Variants in KDM6A observed in about 807,000 individuals in gnomAD.
The protein encoded by KDM6A is lysine demethylase 6A.
In KDM6A, 11 loss-of-function variants were observed where a neutral mutation model predicts 117.6. The ratio of observed to expected loss-of-function variants is 0.09; its 90% confidence interval spans 0.06 to 0.15. The LOEUF is 0.15. Ranked by LOEUF, KDM6A falls within the 10% of genes least tolerant of loss-of-function variation. The pLI is 1.00. For synonymous variants in KDM6A, 384 were observed against 396.1 expected, an observed-to-expected ratio of 0.97 and a Z score of 0.36; for missense variants, 799 against 1,077.3, an observed-to-expected ratio of 0.74 and a Z score of 3.62.
chrX:45,002,831 A>G (rs2041209551), intron 4 of KDM6A, among the ~76,000 whole-genome samples: 1 of 99,174 alleles, frequency 1.0e-5, no homozygotes, highest in Non-Finnish European at 2.0e-5. Flanking sequence ...ACCATATAAC[A>G]TTCTTTTTAT....
intron 2 of KDM6A, among the ~76,000 whole-genome samples, chrX:44,899,867 C>T (rs980595361): frequency 9.0e-6 from 1 of 111,324 alleles, no homozygotes; most frequent in Non-Finnish European, 1.9e-5. Context: ...GATATTATGT[C>T]GTGAACAAAA....
chrX:44,962,285 C>T (rs2038709789), intron 3 of KDM6A, among the ~76,000 whole-genome samples: 1 of 112,008 alleles, frequency 8.9e-6, no homozygotes. Flanking sequence ...TAGTCTGAGA[C>T]AGGCATATTC....
intron 2 of KDM6A, among the ~76,000 whole-genome samples, chrX:44,938,574 G>GGA (rs1437155864): frequency 8.9e-6 from 1 of 112,342 alleles, no homozygotes; most frequent in Non-Finnish European, 1.9e-5. Context: ...AAGTGCTAAT[G>GGA]GAGAAGTGTA....
intron 2 of KDM6A, among the ~76,000 whole-genome samples, chrX:44,948,338 C>T (rs1407170031): frequency 8.9e-6 from 1 of 111,770 alleles, no homozygotes; most frequent in Non-Finnish European, 1.9e-5. Context: ...ATTACCAGTA[C>T]ATTTGTTGGA....
intron 18 of KDM6A, among the ~76,000 whole-genome samples, chrX:45,071,781 C>CTTTTCTTGTCT (rs1236526732): frequency 9.1e-6 from 1 of 110,232 alleles, no homozygotes; most frequent in Non-Finnish European, 1.9e-5. Context: ...CTTTTCTTGT[C>CTTTTCTTGTCT]TTTTTTTAAG....
intron 2 of KDM6A, among the ~76,000 whole-genome samples, chrX:44,926,878 T>C (rs769081478): frequency 1.8e-5 from 2 of 111,627 alleles, no homozygotes; most frequent in Non-Finnish European, 3.8e-5. Flanking sequence ...ATGAAACATG[T>C]GGACTCTGGA....
intron 2 of KDM6A, among the ~76,000 whole-genome samples, chrX:44,955,081 T>A (rs1405511488): frequency 9.0e-6 from 1 of 111,654 alleles, no homozygotes; most frequent in Non-Finnish European, 1.9e-5. Context: ...GAATTTAAGA[T>A]GATGTTGGGA....
chrX:44,962,578 A>G (rs2038730701), intron 3 of KDM6A, among the ~76,000 whole-genome samples: 2 of 112,205 alleles, frequency 1.8e-5, no homozygotes, highest in South Asian at 3.7e-4. Context: ...AAAGGAAACT[A>G]TTGTACCAAA....
At chrX:45,050,143 C>G (rs933147576) in intron 8 of KDM6A, among the ~76,000 whole-genome samples, 1 of 112,806 alleles carries the variant, frequency 8.9e-6, no homozygotes, top group African/African-American at 3.2e-5. Flanking sequence ...AATTCGAGAC[C>G]AGCCTGACCA....
chrX:44,895,074 TTTTA>T (rs200356311), intron 2 of KDM6A, among the ~76,000 whole-genome samples: 15,046 of 91,564 alleles, frequency 0.16, 1,553 homozygotes, highest in East Asian at 0.28. Flanking sequence ...GCAACTTTTA[TTTTA>T]TTTATTTATT....
At chrX:45,063,280 A>T in intron 16 of KDM6A, 142 bp from the exon 17 acceptor site, 1 of 545,892 alleles carries the variant, frequency 1.8e-6, no homozygotes. Context: ...CAACTTAGAG[A>T]AATTAAGCAT....
intron 2 of KDM6A, among the ~76,000 whole-genome samples, chrX:44,898,113 A>G (rs752571552): frequency 9.0e-6 from 1 of 111,727 alleles, no homozygotes; most frequent in Non-Finnish European, 1.9e-5. Context: ...GTAGGGGTAT[A>G]AGATGAACTT....
chrX:45,060,418 T>G (rs1422032641), intron 13 of KDM6A, among the ~76,000 whole-genome samples, 191 bp from the exon 14 acceptor site: 1 of 112,301 alleles, frequency 8.9e-6, no homozygotes, highest in Non-Finnish European at 1.9e-5. Context: ...TGTTTAATTT[T>G]TAAGGCAAGT....
chrX:45,003,725 T>C (rs2041272751), intron 4 of KDM6A, among the ~76,000 whole-genome samples: 1 of 109,952 alleles, frequency 9.1e-6, no homozygotes, highest in Admixed American at 9.7e-5. Context: ...CTTTCTCTCT[T>C]TGACTGTCTC....
At chrX:45,032,397 C>T (rs1334151884) in intron 6 of KDM6A, among the ~76,000 whole-genome samples, 3 of 111,819 alleles carry the variant, frequency 2.7e-5, no homozygotes, top group East Asian at 2.8e-4. Flanking sequence ...ATCCCTACCC[C>T]GGTTCTTCAT....
intron 2 of KDM6A, among the ~76,000 whole-genome samples, chrX:44,907,480 T>C (rs868094212): frequency 3.1e-4 from 32 of 104,858 alleles, no homozygotes; most frequent in African/African-American, 9.1e-4. Context: ...GTTTTTTTTT[T>C]CTTTTTTTTT....
chrX:44,873,561 T>A lies in KDM6A; in HGVS notation c.10T>A (p.Cys4Ser). The part of the protein sequence containing the change: MKS[C>S]GVSLATAAAA... ...AATTCGCTGCGTTTCCATGAAATCC[T>A]GCGGAGTGTCGCTCGCTACCGCCGC... Residue 4 changes from cysteine to serine, a missense_variant, in exon 1 of 30, where the codon TGC becomes AGC. Cys to Ser is a moderately radical substitution (Grantham distance 112). Around this residue, in one of 8 missense-constraint regions of KDM6A, gnomAD observed 89 missense variants for 117.8 expected, o/e 0.76. Coordinates refer to ENST00000611820, the MANE Select transcript of KDM6A (RefSeq NM_001291415.2). The A allele has an allele frequency of 8.3e-7, 1 of 1,207,006 alleles. No homozygotes were observed. The highest frequency in any genetic ancestry group is 1.1e-6 in the Non-Finnish European group (1 of 894,009).
chrX:45,083,352 T>C, intron 23 of KDM6A, 108 bp from the exon 24 acceptor site: 2 of 745,100 alleles, frequency 2.7e-6, no homozygotes, highest in Non-Finnish European at 4.0e-6. Context: ...AAAATATTTA[T>C]AGACTTAATT....
chrX:45,027,231 T>C (rs773615765), intron 6 of KDM6A, among the ~76,000 whole-genome samples: 4 of 109,235 alleles, frequency 3.7e-5, no homozygotes, highest in African/African-American at 1.3e-4. Context: ...ATCCCAGCAC[T>C]TTGGGAAGCT....
Sources: allele counts gnomAD v4.1 joint callset (sites outside exome capture counted in the v4.1 genomes callset), GRCh38; gene constraint gnomAD v4.1.1; regional missense constraint gnomAD v4.1.1; transcripts MANE v1.5; gene names NCBI Gene and HGNC (gene_info 2026-07-23, HGNC 2026-07-21).